COL4A6: variants seen among roughly 807,000 people sequenced by gnomAD.
COL4A6 encodes collagen alpha-6(IV) chain.
COL4A6 carries 59 observed loss-of-function variants against 126.7 expected under a neutral mutation model. The ratio of observed to expected loss-of-function variants is 0.47; its 90% CI spans 0.38 to 0.58. COL4A6 has a LOEUF of 0.58. COL4A6 is among the 20% of genes least tolerant of loss of function. The pLI, the probability that COL4A6 is intolerant of heterozygous loss-of-function variation, is 0.00. For missense variants in COL4A6, 1,285 were observed against 1,337.3 expected, an observed-to-expected ratio of 0.96 and a Z score of 0.61; for synonymous variants, 547 against 496.6, an observed-to-expected ratio of 1.10 and a Z score of -1.35.
chrX:108,401,599 C>T (rs886892657), intron 2 of COL4A6, among the ~76,000 whole-genome samples: 1 of 110,781 alleles, frequency 9.0e-6, no homozygotes, highest in African/African-American at 3.3e-5. Flanking sequence ...TGGGTGGGTA[C>T]TCTTACTTTT....
At chrX:108,245,287 A>G (rs762994145) in intron 3 of COL4A6, among the ~76,000 whole-genome samples, 1 of 112,215 alleles carries the variant, frequency 8.9e-6, no homozygotes, top group South Asian at 3.8e-4. Flanking sequence ...CAGAAGGCTC[A>G]CTGCTGTGAG....
intron 2 of COL4A6, among the ~76,000 whole-genome samples, chrX:108,315,068 T>C (rs747734989): frequency 1.3e-4 from 15 of 112,101 alleles, no homozygotes; most frequent in African/African-American, 4.5e-4. Context: ...TTTGTTGATG[T>C]CTGTATATGT....
At chrX:108,207,835 T>A (rs1297500723) in intron 8 of COL4A6, among the ~76,000 whole-genome samples, 1 of 111,021 alleles carries the variant, frequency 9.0e-6, no homozygotes, top group Non-Finnish European at 1.9e-5. Context: ...GAGGGATTTG[T>A]GCATTCATGG....
intron 2 of COL4A6, among the ~76,000 whole-genome samples, chrX:108,406,126 C>A (rs2041202036): frequency 9.0e-6 from 1 of 111,072 alleles, no homozygotes; most frequent in Admixed American, 9.6e-5. Context: ...TGCCACAATG[C>A]CTGGCTAATT....
chrX:108,373,171 G>A (rs1461752163), intron 2 of COL4A6, among the ~76,000 whole-genome samples: 1 of 111,451 alleles, frequency 9.0e-6, no homozygotes, highest in Non-Finnish European at 1.9e-5. Context: ...GGGAGGCATA[G>A]GCAGGAGGAT....
intron 31 of COL4A6, among the ~76,000 whole-genome samples, chrX:108,173,476 G>A (rs1602724809): frequency 9.0e-6 from 1 of 110,800 alleles, no homozygotes; most frequent in East Asian, 2.8e-4. Flanking sequence ...GTGTGTGTGT[G>A]TGTGTGTGTG....
Position 108,310,757 on chromosome X carries a change from T to C in COL4A6, c.135A>G (p.Lys45=). Residue 45 remains lysine (K), a synonymous_variant, in exon 3 of 45, where the codon AAA becomes AAG. Coordinates refer to ENST00000334504, the MANE Select transcript of COL4A6 (RefSeq NM_033641.4). ...GAAATAAGCAACTTACTCTCGCTCC[T>C]TTCTCAGGAAAACACTGACAGCTCC... ...CSGSCQCFPE[K]GARGRPGPIG... is the part of the protein sequence containing the mutation. The C allele has an allele frequency of 8.3e-7, 1 of 1,209,732 alleles. No homozygotes were observed. Among genetic ancestry groups the C allele is most frequent in the Non-Finnish European group, 1.1e-6 (1 of 893,827 alleles).
At chrX:108,276,517 T>C (rs1355398533) in intron 3 of COL4A6, among the ~76,000 whole-genome samples, 1 of 112,588 alleles carries the variant, frequency 8.9e-6, no homozygotes, top group Non-Finnish European at 1.9e-5. Flanking sequence ...CCAGATACTT[T>C]GCATGTGTGA....
chrX:108,263,408 C>A (rs1253097545), intron 3 of COL4A6, among the ~76,000 whole-genome samples: 3 of 111,902 alleles, frequency 2.7e-5, no homozygotes, highest in Non-Finnish European at 5.7e-5. Context: ...CAAGGTTCTG[C>A]TCAAAGTTCT....
At chrX:108,306,669 T>C (rs2038633391) in intron 3 of COL4A6, among the ~76,000 whole-genome samples, 1 of 111,049 alleles carries the variant, frequency 9.0e-6, no homozygotes, top group East Asian at 2.8e-4. Context: ...AACAGCAGGA[T>C]GTAGGCAGGA....
chrX:108,297,122 T>C (rs2038349143), intron 3 of COL4A6, among the ~76,000 whole-genome samples: 1 of 111,730 alleles, frequency 9.0e-6, no homozygotes, highest in Non-Finnish European at 1.9e-5. Flanking sequence ...CAAGAAATTA[T>C]GCTATAAGGG....
intron 3 of COL4A6, among the ~76,000 whole-genome samples, chrX:108,277,355 A>G (rs2037639927): frequency 1.8e-5 from 2 of 112,331 alleles, no homozygotes; most frequent in African/African-American, 3.2e-5. Flanking sequence ...CATGGCTCAG[A>G]GGGTCCTACG....
chrX:108,304,333 CAG>C (rs760513294), intron 3 of COL4A6, among the ~76,000 whole-genome samples: 8 of 111,642 alleles, frequency 7.2e-5, no homozygotes, highest in Non-Finnish European at 1.1e-4. Flanking sequence ...TGATTCTGTG[CAG>C]AGACACATGT....
At chrX:108,197,053 G>C (rs996191609) in intron 13 of COL4A6, among the ~76,000 whole-genome samples, 1 of 111,863 alleles carries the variant, frequency 8.9e-6, no homozygotes, top group Non-Finnish European at 1.9e-5. Flanking sequence ...TTGATACTAG[G>C]GGGAAGAGCA....
At chrX:108,280,728 T>C (rs2037787209) in intron 3 of COL4A6, among the ~76,000 whole-genome samples, 1 of 111,294 alleles carries the variant, frequency 9.0e-6, no homozygotes, top group African/African-American at 3.3e-5. Context: ...TGATGAACAT[T>C]GATGCAAAAA....
At chrX:108,396,294 A>T (rs2040962165) in intron 2 of COL4A6, among the ~76,000 whole-genome samples, 1 of 110,597 alleles carries the variant, frequency 9.0e-6, no homozygotes, top group Admixed American at 9.6e-5. Flanking sequence ...GAAACTCCGT[A>T]TCCCCCACCT....
chrX:108,429,603 C>T (rs1476252346), intron 2 of COL4A6, among the ~76,000 whole-genome samples: 1 of 111,784 alleles, frequency 8.9e-6, no homozygotes, highest in Non-Finnish European at 1.9e-5. Context: ...ACTGGATAAG[C>T]GTACATAGGA....
At chrX:108,332,226 A>T (rs150265194) in intron 2 of COL4A6, among the ~76,000 whole-genome samples, 3,433 of 111,414 alleles carry the variant, frequency 0.031, 122 homozygotes, top group African/African-American at 0.11. Flanking sequence ...TATATATCAC[A>T]TTCTTTTTAT....
chrX:108,180,351 G>A (rs1163407712), intron 25 of COL4A6, among the ~76,000 whole-genome samples, 164 bp downstream of exon 25: 1 of 111,563 alleles, frequency 9.0e-6, no homozygotes, highest in African/African-American at 3.3e-5. Context: ...GCTGTATGCT[G>A]TGTCTTGCCA....
Sources: gnomAD v4.1 joint callset for allele counts (sites outside exome capture counted in the v4.1 genomes callset) on GRCh38, gnomAD v4.1.1 for gene constraint, MANE v1.5 for transcripts, NCBI Gene and HGNC (gene_info 2026-07-23, HGNC 2026-07-21) for gene names.